Variants in NFKB2 observed in about 807,000 individuals in gnomAD.
NFKB2 encodes the protein nuclear factor kappa B subunit 2, also known as nuclear factor NF-kappa-B p100 subunit.
Under a neutral mutation model 109.3 loss-of-function variants are expected in NFKB2, and 21 were observed. That is an observed-to-expected ratio of 0.19 (90% CI 0.14 to 0.28). The LOEUF (loss-of-function observed/expected upper bound fraction) is 0.28. Among genes scored for constraint, NFKB2 ranks in the 10% least tolerant of loss-of-function variants. NFKB2 has a pLI of 1.00. For synonymous variants in NFKB2, 478 were observed against 489.9 expected, an observed-to-expected ratio of 0.98 and a Z score of 0.32; for missense variants, 806 against 1,185.3, an observed-to-expected ratio of 0.68 and a Z score of 4.70.
In NFKB2 at chr10:102,400,408, C is replaced by G. The variant is rs997689416; in HGVS notation, c.1715C>G (p.Ala572Gly). 38 of 1,613,164 alleles carry G rather than the reference C, an allele frequency of 2.4e-5. No homozygotes were observed. The highest frequency in any genetic ancestry group is 3.2e-5 in the Non-Finnish European group (38 of 1,180,014). ...ATGCATCTGGCGCTGCGGGCAGGCGCTGGTGCTCCTGAGCTGCTGCGTGCA... is the reference window on the plus strand; with the variant it reads ...ATGCATCTGGCGCTGCGGGCAGGCGGTGGTGCTCCTGAGCTGCTGCGTGCA... ...SAMHLALRAG[A>G]GAPELLRALL... The change falls in exon 16 of 23, where the codon GCT becomes GGT. Residue 572 changes from alanine to glycine, a missense_variant. This residue lies in a region of NFKB2 where 163 missense variants were observed against 207.1 expected (regional missense o/e 0.79). Transcript: ENST00000661543. The surrounding 1 kb of genome is among the most constrained non-coding windows in gnomAD (Gnocchi z 6.3).
rs369098912 is a variant in NFKB2 at position 102,398,177 on chromosome 10, C to G, written c.767-35C>G. On this transcript the variant is annotated intron_variant, in intron 9 of 22. Transcript: ENST00000661543. This position sits in a 1 kb window ranked among gnomAD's most constrained non-coding sequence, Gnocchi z 6.6. ...GGGTAAATGGCCCCAGAGATTCCAC[C>G]GGGAGCTGTGGCCAAGCTTCCGTTT... The G allele has an allele frequency of 2.5e-6, 4 of 1,612,790 alleles. No individual in the cohort carries two copies. The African/African-American group carries it at 5.3e-5, about 22-fold the overall frequency.
chr10:102,398,117 A>T lies in NFKB2; in HGVS notation c.766+32A>T, dbSNP rs1207125288. On this transcript the variant is annotated intron_variant, in intron 9 of 22. Transcript: ENST00000661543. The surrounding 1 kb of genome is among the most constrained non-coding windows in gnomAD (Gnocchi z 6.6). ...CTGGAGCCCACTTTGGGCACCAAGGACATCGAGTATAAGACTGGGGCCAGG... is the reference window on the plus strand; with the variant it reads ...CTGGAGCCCACTTTGGGCACCAAGGTCATCGAGTATAAGACTGGGGCCAGG... 6.2e-7 allele frequency: 1 copy of T among 1,613,114 alleles called. No homozygotes were observed. The highest frequency in any genetic ancestry group is 8.5e-7 in the Non-Finnish European group (1 of 1,179,088).
chr10:102,398,612 A>G lies in NFKB2; in HGVS notation c.991+89A>G, dbSNP rs1456967100. ...CAAGAGCTAGATGTGGGGATGCATG[A>G]GCCAAGTCAGAAGTGCGAGGGTCCC... On this transcript the variant is annotated intron_variant, in intron 11 of 22. Transcript: ENST00000661543. This position sits in a 1 kb window ranked among gnomAD's most constrained non-coding sequence, Gnocchi z 6.6. 6.2e-7 allele frequency: 1 copy of G among 1,610,174 alleles called. No individual in the cohort carries two copies. The highest frequency in any genetic ancestry group is 8.5e-7 in the Non-Finnish European group (1 of 1,178,334).
chr10:102,397,337 A>G lies in NFKB2; in HGVS notation c.431A>G (p.Lys144Arg), dbSNP rs771669919. Residue 144 changes from lysine (K) to arginine (R), a missense_variant, in exon 7 of 23, where the codon AAG becomes AGG. Around this residue, in one of 10 missense-constraint regions of NFKB2, gnomAD observed 62 missense variants for 102.2 expected, o/e 0.61. Transcript: ENST00000661543. This position sits in a 1 kb window ranked among gnomAD's most constrained non-coding sequence, Gnocchi z 4.7. Reference sequence around the variant, plus strand: ...CTGGGTGTCCTGCATGTGACTAAGAAGAACATGATGGGGACTATGATACAA... The same window carrying G: ...CTGGGTGTCCTGCATGTGACTAAGAGGAACATGATGGGGACTATGATACAA... The part of the protein sequence containing the change: ...NNLGVLHVTK[K>R]NMMGTMIQKL... The G allele has an allele frequency of 1.9e-6, 3 of 1,614,100 alleles. No individual in the cohort carries two copies. The highest frequency in any genetic ancestry group is 2.5e-6 in the Non-Finnish European group (3 of 1,179,970).
In NFKB2 at chr10:102,396,558, C is replaced by G. The variant is rs1589858783; in HGVS notation, c.144+69C>G. The G allele has an allele frequency of 1.2e-6, 2 of 1,608,696 alleles. No homozygotes were observed. Among genetic ancestry groups the G allele is most frequent in the Non-Finnish European group, 1.7e-6 (2 of 1,176,700 alleles). Reference sequence around the variant, plus strand: ...GGACAAATGGGGTAGTGGTAGCTGGCTGGCCATGGAGGAGCCATTGCCGAA... The same window carrying G: ...GGACAAATGGGGTAGTGGTAGCTGGGTGGCCATGGAGGAGCCATTGCCGAA... On this transcript the variant is annotated intron_variant, in intron 4 of 22. Coordinates refer to ENST00000661543, the MANE Select transcript of NFKB2 (RefSeq NM_001322934.2). This position sits in a 1 kb window ranked among gnomAD's most constrained non-coding sequence, Gnocchi z 5.9.
In NFKB2 at chr10:102,398,930, G is replaced by T. The variant is rs1273352972; in HGVS notation, c.1117+66G>T. On this transcript the variant is annotated intron_variant, in intron 12 of 22. Coordinates refer to ENST00000661543, the MANE Select transcript of NFKB2 (RefSeq NM_001322934.2). This position sits in a 1 kb window ranked among gnomAD's most constrained non-coding sequence, Gnocchi z 6.6. ...AGCTGTGGAGGAAAAAAATCTGGGG[G>T]AGGCCGGGCGTGGTGGCTCACGCCT... 6.5e-7 allele frequency: 1 copy of T among 1,528,306 alleles called. No homozygotes were observed. The highest frequency in any genetic ancestry group is 8.9e-7 in the Non-Finnish European group (1 of 1,129,332). 94.7% of individuals were successfully genotyped at this position (1,528,306 alleles called of 1,614,324 possible). A position where few individuals can be genotyped will look rare whatever the true frequency, so the allele number is the denominator to read the frequency against.
chr10:102,399,644 C>T lies in NFKB2; in HGVS notation c.1395C>T (p.Gly465=), dbSNP rs1196791753. The T allele has an allele frequency of 1.9e-6, 3 of 1,538,894 alleles. No individual in the cohort carries two copies. In the African/African-American group the frequency reaches 4.1e-5, roughly 21 times the overall value. ...QRSARALLDY[G]VTADARALLA... is the part of the protein sequence containing the mutation. ...GCGCCCGAGCCCTACTCGACTACGGCGTCACCGCGGACGCGCGCGCGCTGC... is the reference window on the plus strand; with the variant it reads ...GCGCCCGAGCCCTACTCGACTACGGTGTCACCGCGGACGCGCGCGCGCTGC... The change falls in exon 14 of 23, where the codon GGC becomes GGT. Residue 465 remains glycine (G), a synonymous_variant. Coordinates refer to ENST00000661543, the MANE Select transcript of NFKB2 (RefSeq NM_001322934.2).
chr10:102,396,258 G>C lies in NFKB2; in HGVS notation c.27G>C (p.Leu9=). 6.2e-7 allele frequency: 1 copy of C among 1,607,164 alleles called. No individual in the cohort carries two copies. Among genetic ancestry groups the C allele is most frequent in the South Asian group, 1.1e-5 (1 of 90,952 alleles). Residue 9 remains leucine, a synonymous_variant, in exon 3 of 23, where the codon CTG becomes CTC. Transcript: ENST00000661543. This position sits in a 1 kb window ranked among gnomAD's most constrained non-coding sequence, Gnocchi z 5.9. ...CCAGTCTGTCTCCAAACCAGGGTCT[G>C]GATGGTATTATTGAATATGATGATT... MESCYNPG[L]DGIIEYDDFK...
Position 102,402,033 on chromosome 10 carries a change from C to T in NFKB2, c.2467-15C>T, listed in dbSNP as rs1176473181. The T allele has an allele frequency of 1.1e-5, 17 of 1,570,360 alleles. No individual in the cohort carries two copies. The highest frequency in any genetic ancestry group is 1.4e-5 in the Non-Finnish European group (16 of 1,156,932). On this transcript the variant is annotated splice_polypyrimidine_tract_variant and intron_variant, in intron 21 of 22. Coordinates refer to ENST00000661543, the MANE Select transcript of NFKB2 (RefSeq NM_001322934.2). ...CCCTAACCATGACTCAGACCTCATT[C>T]CTCTGTCTTCTCAGCTGGCTGGCGG...
chr10:102,396,347 A>G lies in NFKB2; in HGVS notation c.103+13A>G. The G allele has an allele frequency of 1.2e-6, 2 of 1,613,544 alleles. No individual in the cohort carries two copies. Among genetic ancestry groups the G allele is most frequent in the African/African-American group, 1.3e-5 (1 of 75,020 alleles). On this transcript the variant is annotated intron_variant, in intron 3 of 22. Coordinates refer to ENST00000661543, the MANE Select transcript of NFKB2 (RefSeq NM_001322934.2). This position sits in a 1 kb window ranked among gnomAD's most constrained non-coding sequence, Gnocchi z 5.9. ...GCCCCAGAAACAGGTCAGCAAGTTC[A>G]CTAACCTCCCCTAGTCCTAAAGCGG...
Position 102,397,450 on chromosome 10 carries a change from G to A in NFKB2, c.502+42G>A. 1 of 1,597,772 alleles carries A rather than the reference G, an allele frequency of 6.3e-7. No homozygotes were observed. The highest frequency in any genetic ancestry group is 8.5e-7 in the Non-Finnish European group (1 of 1,171,240). ...TGGGTCGGGTATGGGTGCAGGGGGTGGGTGGGTCATGGGAGGTGCTCATGG... is the reference window on the plus strand; with the variant it reads ...TGGGTCGGGTATGGGTGCAGGGGGTAGGTGGGTCATGGGAGGTGCTCATGG... On this transcript the variant is annotated intron_variant, in intron 7 of 22. Transcript: ENST00000661543. This position sits in a 1 kb window ranked among gnomAD's most constrained non-coding sequence, Gnocchi z 4.7.
chr10:102,399,309 C>T lies in NFKB2; in HGVS notation c.1139C>T (p.Pro380Leu), dbSNP rs1170781387. 6.3e-7 allele frequency: 1 copy of T among 1,599,116 alleles called. No homozygotes were observed. The highest frequency in any genetic ancestry group is 8.5e-7 in the Non-Finnish European group (1 of 1,173,512). The change falls in exon 13 of 23, where the codon CCC becomes CTC. Residue 380 changes from proline (P) to leucine (L), a missense_variant. Physicochemically the swap from Pro to Leu is moderately conservative, Grantham distance 98 (BLOSUM62 -3). Transcript: ENST00000661543. ...ACAGGTGGCAGCCTCGGTTTCTTCC[C>T]CTCCTCCCTGGCCTACAGCCCCTAC... Reference protein sequence around the residue: ...AGGGGSLGFFPSSLAYSPYQS... With the variant: ...AGGGGSLGFFLSSLAYSPYQS...
rs118178925 is a variant in NFKB2 at position 102,396,985 on chromosome 10, C to T, written c.325C>T (p.Leu109=). 1.9e-6 allele frequency: 3 copies of T among 1,613,878 alleles called. No homozygotes were observed. The East Asian group carries it at 6.7e-5, about 36-fold the overall frequency. ...SDPPRAHAHS[L]VGKQCSELGI... is the part of the protein sequence containing the mutation. The stretch of plus-strand genomic sequence containing the variant: ...CCCACCTCGTGCTCATGCCCACAGT[C>T]TGGTGGGCAAGCAATGCTCGGAGCT... The change falls in exon 6 of 23, where the codon CTG becomes TTG. Residue 109 remains leucine, a synonymous_variant. Coordinates refer to ENST00000661543, the MANE Select transcript of NFKB2 (RefSeq NM_001322934.2). This position sits in a 1 kb window ranked among gnomAD's most constrained non-coding sequence, Gnocchi z 5.9.
Position 102,399,481 on chromosome 10 carries a change from G to A in NFKB2, c.1311G>A (p.Pro437=), listed in dbSNP as rs760745461. 4 of 1,497,120 alleles carry A rather than the reference G, an allele frequency of 2.7e-6. No individual in the cohort carries two copies. Among genetic ancestry groups the A allele is most frequent in the Admixed American group, 2.3e-5 (1 of 42,938 alleles). The allele number at this position is 1,497,120 out of a possible 1,614,324, so 92.7% of individuals were successfully genotyped here. A position where few individuals can be genotyped will look rare whatever the true frequency, so the allele number is the denominator to read the frequency against. ...SRTPQCEPQA[P]EMLQRAREYN... is the part of the protein sequence containing the mutation. Reference sequence around the variant, plus strand: ...CCCCCCAGTGCGAGCCGCAGGCCCCGGAGATGCTGCAGCGAGGTATGGACT... The same window carrying A: ...CCCCCCAGTGCGAGCCGCAGGCCCCAGAGATGCTGCAGCGAGGTATGGACT... The change falls in exon 13 of 23, where the codon CCG becomes CCA. Residue 437 remains proline (P), a synonymous_variant. Coordinates refer to ENST00000661543, the MANE Select transcript of NFKB2 (RefSeq NM_001322934.2).
At position 102,399,673 on chromosome 10, in the gene NFKB2, C is replaced by T. The variant is rs1482556968; in HGVS notation, c.1424C>T (p.Ala475Val). The change falls in exon 14 of 23, where the codon GCG becomes GTG. Residue 475 changes from alanine to valine, a missense_variant. Ala to Val is a moderately conservative substitution (Grantham distance 64, BLOSUM62 0). Around this residue, in one of 10 missense-constraint regions of NFKB2, gnomAD observed 209 missense variants for 211.9 expected, o/e 0.99. Coordinates refer to ENST00000661543, the MANE Select transcript of NFKB2 (RefSeq NM_001322934.2). ...ACCGCGGACGCGCGCGCGCTGCTGG[C>T]GGGACAGCGCCACCTGCTGACGGCG... is the stretch of plus-strand genomic sequence containing the variant. ...GVTADARALL[A>V]GQRHLLTAQD... 109 of 1,523,572 alleles carry T rather than the reference C, an allele frequency of 7.2e-5. No individual in the cohort carries two copies. Among genetic ancestry groups the T allele is most frequent in the Non-Finnish European group, 9.4e-5 (107 of 1,133,834 alleles). The allele number at this position is 1,523,572 out of a possible 1,614,324, so 94.4% of individuals were successfully genotyped here. A position where few individuals can be genotyped will look rare whatever the true frequency, so the allele number is the denominator to read the frequency against.
Position 102,397,967 on chromosome 10 carries a change from A to C in NFKB2, c.662-14A>C, listed in dbSNP as rs766161048. 1.1e-5 allele frequency: 17 copies of C among 1,613,384 alleles called. No individual in the cohort carries two copies. On this transcript the variant is annotated splice_polypyrimidine_tract_variant and intron_variant, in intron 8 of 22. Transcript: ENST00000661543. The surrounding 1 kb of genome is among the most constrained non-coding windows in gnomAD (Gnocchi z 4.7). ...TATTGCATCATCTCAACTAATCCAT[A>C]TCCCACTCCATAGAATCTCCGGGGG... is the stretch of plus-strand genomic sequence containing the variant.
In NFKB2 at chr10:102,402,289, A is replaced by G. The variant is rs992741348; in HGVS notation, c.2616A>G (p.Ser872=). The G allele has an allele frequency of 5.1e-6, 8 of 1,560,448 alleles. No individual in the cohort carries two copies. In the African/African-American group the frequency reaches 9.5e-5, roughly 19 times the overall value. Residue 872 remains serine (S), a synonymous_variant, in exon 23 of 23, where the codon TCA becomes TCG. Coordinates refer to ENST00000661543, the MANE Select transcript of NFKB2 (RefSeq NM_001322934.2). ...VKEDSAYGSQ[S]VEQEAEKLGP... The stretch of plus-strand genomic sequence containing the variant: ...AAGACAGTGCGTACGGGAGCCAGTC[A>G]GTGGAGCAGGAGGCAGAGAAGCTGG...
At position 102,397,743 on chromosome 10, in the gene NFKB2, G is replaced by T; in HGVS notation, c.661+58G>T. On this transcript the variant is annotated intron_variant, in intron 8 of 22. Transcript: ENST00000661543. This position sits in a 1 kb window ranked among gnomAD's most constrained non-coding sequence, Gnocchi z 4.7. ...TGGTGGCAGAGGTGGCATGAGGGGTGACCTCAAGCTGTGCAGTCAAACAGA... is the reference window on the plus strand; with the variant it reads ...TGGTGGCAGAGGTGGCATGAGGGGTTACCTCAAGCTGTGCAGTCAAACAGA... 6.4e-7 allele frequency: 1 copy of T among 1,562,140 alleles called. No individual in the cohort carries two copies. Among genetic ancestry groups the T allele is most frequent in the South Asian group, 1.2e-5 (1 of 86,252 alleles).
At position 102,401,138 on chromosome 10, in the gene NFKB2, A is replaced by G. The variant is rs1489114031; in HGVS notation, c.2072-42A>G. On this transcript the variant is annotated intron_variant, in intron 18 of 22. Coordinates refer to ENST00000661543, the MANE Select transcript of NFKB2 (RefSeq NM_001322934.2). The surrounding 1 kb of genome is among the most constrained non-coding windows in gnomAD (Gnocchi z 4.2). ...CCCCCGACTTTGCAGTCCTTAATGT[A>G]GGCCCCCACCATACCGCCCCATGAC... 2 of 1,603,128 alleles carry G rather than the reference A, an allele frequency of 1.2e-6. No homozygotes were observed. The highest frequency in any genetic ancestry group is 1.7e-6 in the Non-Finnish European group (2 of 1,172,434).
Sources: gnomAD v4.1 joint callset for allele counts on GRCh38, gnomAD v4.1.1 for gene constraint, gnomAD v4.1.1 regional missense constraint, Gnocchi (gnomAD v3.1) non-coding constraint, MANE v1.5 for transcripts, NCBI Gene and HGNC (gene_info 2026-07-23, HGNC 2026-07-21) for gene names.